The following TOR1A variants were observed in gnomAD, a reference collection of about 807,000 sequenced individuals.
TOR1A encodes the protein torsin-1A.
TOR1A carries 18 observed loss-of-function variants against 31.4 expected under a neutral mutation model. The observed-to-expected ratio is 0.57, with a 90% CI of 0.40 to 0.85. The LOEUF (loss-of-function observed/expected upper bound fraction) is 0.85. Among genes scored for constraint, TOR1A ranks in the 40% least tolerant of loss-of-function variants. The probability of loss-of-function intolerance (pLI) is 0.00; values close to 1 mark genes in which losing one functional copy is unlikely to be tolerated. For missense variants in TOR1A, 375 were observed against 416.4 expected (o/e 0.90, Z 0.87); for synonymous variants, 168 against 165.9 (o/e 1.01, Z -0.10).
intron 2 of TOR1A, chr9:129,822,290 T>A (rs930740529): frequency 5.6e-5 from 25 of 443,542 alleles, no homozygotes; most frequent in African/African-American, 4.4e-4. Context: ...AATAAAAAAA[T>A]GAGTGAGATG....
intron 1 of TOR1A, 130 bp downstream of exon 1, chr9:129,823,778 T>G: frequency 1.1e-6 from 1 of 912,522 alleles, no homozygotes; most frequent in Non-Finnish European, 1.6e-6. Context: ...CCAGCCCTAG[T>G]CCTAGCCCGG....
chr9:129,821,364 G>C (rs2031180143), intron 2 of TOR1A: 1 of 152,170 alleles, frequency 6.6e-6, no homozygotes, highest in Non-Finnish European at 1.5e-5. Flanking sequence ...TTGCAGGTCT[G>C]CTACAAGGAT....
intron 4 of TOR1A, among the ~76,000 whole-genome samples, chr9:129,814,498 A>G (rs914759860): frequency 4.6e-5 from 7 of 150,648 alleles, no homozygotes; most frequent in African/African-American, 1.5e-4. Flanking sequence ...CCACCCTCCT[A>G]TCCATCCCAC....
chr9:129,815,550 G>T (rs979755656), intron 4 of TOR1A, among the ~76,000 whole-genome samples: 9 of 152,210 alleles, frequency 5.9e-5, no homozygotes, highest in Admixed American at 5.9e-4. Context: ...TCAGGGCAGA[G>T]CCCGAGCAAC....
At chr9:129,818,358 G>A (rs2031092553) in intron 4 of TOR1A, 162 bp downstream of exon 4, 1 of 1,075,144 alleles carries the variant, frequency 9.3e-7, no homozygotes, top group African/African-American at 1.5e-5. Context: ...GTTACCTGGA[G>A]TTCATCAGCA....
Position 129,823,804 on chromosome 9 carries a change from C to T in TOR1A, c.178+104G>A, listed in dbSNP as rs1208115703. 3 of 1,395,874 alleles carry T rather than the reference C, an allele frequency of 2.1e-6. No individual in the cohort carries two copies. The African/African-American group carries it at 4.3e-5, about 20-fold the overall frequency. The allele number at this position is 1,395,874 out of a possible 1,614,324, so 86.5% of individuals were successfully genotyped here. ...CCTAGCCCGGCCCTGGTGCCATCCC[C>T]CGGCCTCCATCCTCCATTCTCCATG... is the stretch of plus-strand genomic sequence containing the variant. On this transcript the variant is annotated intron_variant, in intron 1 of 4. Transcript: ENST00000351698.
intron 1 of TOR1A, 52 bp from the exon 2 acceptor site, chr9:129,822,898 A>G (rs367710906): frequency 1.9e-6 from 3 of 1,613,464 alleles, no homozygotes; most frequent in Non-Finnish European, 2.5e-6. Context: ...GGCAAAATGT[A>G]GCCACATTTA....
chr9:129,823,008 G>A (rs1252403102), intron 1 of TOR1A, among the ~76,000 whole-genome samples, 162 bp from the exon 2 acceptor site: 1 of 152,168 alleles, frequency 6.6e-6, no homozygotes, highest in Non-Finnish European at 1.5e-5. Flanking sequence ...AGAGGGGACG[G>A]CGGTCCAGGG....
Position 129,822,827 on chromosome 9 carries a change from G to T in TOR1A, c.198C>A (p.Asp66Glu), listed in dbSNP as rs1236569670. ...LSREALQKDL[D>E]DNLFGQHLAK... The stretch of plus-strand genomic sequence containing the variant: ...CAAGATGCTGTCCAAAGAGGTTGTC[G>T]TCCAGATCCTTCTGCAGTGCTGGGA... Residue 66 changes from aspartate (D) to glutamate (E), a missense_variant, in exon 2 of 5, where the codon GAC (aspartate) becomes GAA (glutamate). By Grantham distance (45) the Asp-to-Glu change is conservative (BLOSUM62 2). Transcript: ENST00000351698. 1 of 1,614,046 alleles carries T rather than the reference G, an allele frequency of 6.2e-7. No homozygotes were observed. Among genetic ancestry groups the T allele is most frequent in the East Asian group, 2.2e-5 (1 of 44,902 alleles).
chr9:129,824,123 C>T lies in TOR1A; in HGVS notation c.-38G>A. On this transcript the variant is annotated 5_prime_UTR_variant, in exon 1 of 5. Transcript: ENST00000351698. ...GCCACCCTGCTTGTTCTCGCGCCGACCGCGAACCGGTGCAGCCGCCAGACC... is the reference window on the plus strand; with the variant it reads ...GCCACCCTGCTTGTTCTCGCGCCGATCGCGAACCGGTGCAGCCGCCAGACC... 1 of 1,539,342 alleles carries T rather than the reference C, an allele frequency of 6.5e-7. No homozygotes were observed. Among genetic ancestry groups the T allele is most frequent in the East Asian group, 2.4e-5 (1 of 41,078 alleles).
At chr9:129,820,126 A>C (rs1246448844) in intron 2 of TOR1A, among the ~76,000 whole-genome samples, 1 of 149,284 alleles carries the variant, frequency 6.7e-6, no homozygotes, top group African/African-American at 2.5e-5. Flanking sequence ...AGCACTGTTC[A>C]TATAACTTTT....
rs1390494536 is a variant in TOR1A at position 129,818,541 on chromosome 9, AC to A, written c.726del (p.Ser243ArgfsTer15). 1 of 1,614,200 alleles carries A rather than the reference AC, an allele frequency of 6.2e-7. No homozygotes were observed. Among genetic ancestry groups the A allele is most frequent in the Non-Finnish European group, 8.5e-7 (1 of 1,180,042 alleles). ...TCACTGTTCTTGTTATTGAAAACCG[AC>A]ACAGACAACGCGTGTTCAATGTCTT... ...KLKDIEHALS[V>X]SVFNNKNSGF... On this transcript the variant is annotated frameshift_variant, in exon 4 of 5. Coordinates refer to ENST00000351698, the MANE Select transcript of TOR1A (RefSeq NM_000113.3). LOFTEE classifies it high-confidence loss of function.
intron 2 of TOR1A, among the ~76,000 whole-genome samples, chr9:129,819,624 G>A (rs1310183583): frequency 1.3e-5 from 2 of 152,008 alleles, no homozygotes; most frequent in Non-Finnish European, 2.9e-5. Flanking sequence ...AGCTGGGTAT[G>A]GTGGCAGGTG....
Position 129,817,906 on chromosome 9 carries a change from A to G in TOR1A, c.748+614T>C, listed in dbSNP as rs2031081760. 5.9e-5 allele frequency among the ~76,000 whole-genome samples: 9 copies of G among 151,524 alleles called. No homozygotes were observed. The South Asian group carries it at 1.9e-3, about 32-fold the overall frequency. On this transcript the variant is annotated intron_variant, in intron 4 of 4. Transcript: ENST00000351698. ...GTGGCGCAAGCCTGTGGTTCCACCT[A>G]CATGGGAAGCTGAGGCTGGAGGATC...
At chr9:129,823,218 T>C (rs2031232880) in intron 1 of TOR1A, 2 of 359,194 alleles carry the variant, frequency 5.6e-6, no homozygotes, top group Non-Finnish European at 1.1e-5. Flanking sequence ...ATCCTTCCTG[T>C]CTCCCGCTAG....
Position 129,813,997 on chromosome 9 carries a change from T to C in TOR1A, c.974A>G (p.Lys325Arg), listed in dbSNP as rs2030964777. The part of the protein sequence containing the change: ...SDKGCKTVFT[K>R]LDYYYDD ...TCAATCATCGTAGTAATAATCTAACTTGGTGAACACCGTTTTGCAGCCTTT... is the reference window on the plus strand; with the variant it reads ...TCAATCATCGTAGTAATAATCTAACCTGGTGAACACCGTTTTGCAGCCTTT... Residue 325 changes from lysine to arginine, a missense_variant, in exon 5 of 5, where the codon AAG becomes AGG. By Grantham distance (26) the Lys-to-Arg change is conservative. Coordinates refer to ENST00000351698, the MANE Select transcript of TOR1A (RefSeq NM_000113.3). 3 of 1,614,078 alleles carry C rather than the reference T, an allele frequency of 1.9e-6. No individual in the cohort carries two copies. The African/African-American group carries it at 4.0e-5, about 22-fold the overall frequency.
chr9:129,815,107 A>G (rs1454076159), intron 4 of TOR1A, among the ~76,000 whole-genome samples: 1 of 152,164 alleles, frequency 6.6e-6, no homozygotes, highest in Non-Finnish European at 1.5e-5. Flanking sequence ...CCACGAGCCC[A>G]TGCGTGTCTT....
chr9:129,822,979 G>C, intron 1 of TOR1A, 133 bp from the exon 2 acceptor site: 1 of 1,291,928 alleles, frequency 7.7e-7, no homozygotes, highest in South Asian at 1.2e-5. Context: ...AAGTACTGCG[G>C]TCTGTAAGCT....
rs2031110868 is a variant in TOR1A, at chr9:129,818,902, T to C, written c.463A>G (p.Ile155Val). Residue 155 changes from isoleucine to valine, a missense_variant, in exon 3 of 5, where the codon ATT becomes GTT. By Grantham distance (29) the Ile-to-Val change is conservative. Coordinates refer to ENST00000351698, the MANE Select transcript of TOR1A (RefSeq NM_000113.3). ...GCACAGGCACTCACGTTGCCTCGAA[T>C]CCACAACTGTAACTGATCCTGAATT... ...TLYKDQLQLWIRGNVSACARS... is the reference protein window; with the variant it reads ...TLYKDQLQLWVRGNVSACARS... 1.9e-6 allele frequency: 3 copies of C among 1,613,502 alleles called. No individual in the cohort carries two copies. Among genetic ancestry groups the C allele is most frequent in the Non-Finnish European group, 1.7e-6 (2 of 1,180,006 alleles).
Sources: gnomAD v4.1 joint callset for allele counts (sites outside exome capture counted in the v4.1 genomes callset) on GRCh38, gnomAD v4.1.1 for gene constraint, MANE v1.5 for transcripts, NCBI Gene and HGNC (gene_info 2026-07-23, HGNC 2026-07-21) for gene names.